CATSPERT: variants seen among roughly 807,000 people sequenced by gnomAD.
CATSPERT encodes the protein cation channel sperm-associated targeting subunit tau.
At chr2:201,595,906 CAA>C in the CATSPERT span, among the ~76,000 whole-genome samples, 206 of 142,086 alleles carry the variant, frequency 1.4e-3, 3 homozygotes, top group African/African-American at 5.1e-3. Context: ...ACTAAAAACT[CAA>C]AAAAAAAAAA....
At chr2:201,513,391 A>C in the CATSPERT span, among the ~76,000 whole-genome samples, 1 of 152,196 alleles carries the variant, frequency 6.6e-6, no homozygotes, top group Admixed American at 6.5e-5. Flanking sequence ...ACCATCTTAC[A>C]CCAGTCAGAA....
the CATSPERT span, among the ~76,000 whole-genome samples, chr2:201,563,245 T>C: frequency 7.5e-6 from 1 of 132,890 alleles, no homozygotes; most frequent in African/African-American, 2.9e-5. Flanking sequence ...GAGGGGCTCC[T>C]CACTTCCCAG....
chr2:201,574,248 C>T, the CATSPERT span: 5 of 1,605,714 alleles, frequency 3.1e-6, no homozygotes, highest in South Asian at 1.1e-5. Flanking sequence ...CATAGGAGAA[C>T]ATAAATTCCA....
chr2:201,506,192 G>A, the CATSPERT span, among the ~76,000 whole-genome samples: 94 of 152,226 alleles, frequency 6.2e-4, 1 homozygote, highest in African/African-American at 2.2e-3. Context: ...GCGCGAACCC[G>A]GGAGGCGGAG....
the CATSPERT span, among the ~76,000 whole-genome samples, chr2:201,615,545 A>T: frequency 6.6e-6 from 1 of 152,214 alleles, no homozygotes; most frequent in East Asian, 1.9e-4. Flanking sequence ...TCTCTGGGAC[A>T]CATTTAAAGC....
the CATSPERT span, among the ~76,000 whole-genome samples, chr2:201,591,106 T>C: frequency 2.0e-5 from 3 of 152,254 alleles, no homozygotes; most frequent in African/African-American, 7.2e-5. Context: ...CCAGGGTTTT[T>C]ATGATTTTAG....
At chr2:201,518,606 G>A in the CATSPERT span, among the ~76,000 whole-genome samples, 13 of 152,196 alleles carry the variant, frequency 8.5e-5, no homozygotes, top group African/African-American at 3.1e-4. Context: ...AAGGTGTGTT[G>A]ACAATGTCCA....
At chr2:201,497,741 C>G in the CATSPERT span, among the ~76,000 whole-genome samples, 2 of 152,172 alleles carry the variant, frequency 1.3e-5, no homozygotes, top group Non-Finnish European at 1.5e-5. Flanking sequence ...GGGGAATGCT[C>G]TAGGTATTCA....
the CATSPERT span, among the ~76,000 whole-genome samples, chr2:201,517,702 C>T: frequency 4.6e-5 from 7 of 152,356 alleles, no homozygotes; most frequent in East Asian, 1.4e-3. Context: ...AGATGAAATA[C>T]TGCTGGGGCC....
the CATSPERT span, among the ~76,000 whole-genome samples, chr2:201,521,357 G>T: frequency 6.6e-6 from 1 of 151,984 alleles, no homozygotes; most frequent in African/African-American, 2.4e-5. Flanking sequence ...GAGGCCTCAG[G>T]AAACTTACAA....
At chr2:201,578,596 A>G in the CATSPERT span, among the ~76,000 whole-genome samples, 8 of 152,234 alleles carry the variant, frequency 5.3e-5, no homozygotes, top group South Asian at 1.5e-3. Context: ...GTTTATGTTT[A>G]TAAGAATGAA....
chr2:201,524,117 G>T, the CATSPERT span, among the ~76,000 whole-genome samples: 1 of 151,854 alleles, frequency 6.6e-6, no homozygotes, highest in South Asian at 2.1e-4. Context: ...AAGACATATA[G>T]TTATCCCCAT....
the CATSPERT span, chr2:201,601,702 G>A: frequency 1.9e-6 from 3 of 1,561,400 alleles, no homozygotes; most frequent in East Asian, 6.9e-5. Context: ...GAACTATAAG[G>A]AGCCATTCTA....
chr2:201,501,225 C>A, the CATSPERT span, among the ~76,000 whole-genome samples: 3 of 151,214 alleles, frequency 2.0e-5, no homozygotes, highest in Admixed American at 2.0e-4. Context: ...ATGGAGAAAC[C>A]CCGTCTCTAC....
chr2:201,529,168 A>T, the CATSPERT span, among the ~76,000 whole-genome samples: 1 of 152,190 alleles, frequency 6.6e-6, no homozygotes, highest in East Asian at 1.9e-4. Context: ...AAACATCCAT[A>T]CTACCCAATG....
chr2:201,595,243 C>T, the CATSPERT span, among the ~76,000 whole-genome samples: 1 of 147,864 alleles, frequency 6.8e-6, no homozygotes, highest in Non-Finnish European at 1.5e-5. Flanking sequence ...GGCTGGGGTG[C>T]AGTGGCGGGA....
chr2:201,496,285 G>C, the CATSPERT span, among the ~76,000 whole-genome samples: 17 of 152,266 alleles, frequency 1.1e-4, no homozygotes, highest in African/African-American at 3.9e-4. Flanking sequence ...AAAAGGCTGT[G>C]AGATGCCTTT....
At chr2:201,579,586 C>G in the CATSPERT span, among the ~76,000 whole-genome samples, 2 of 151,958 alleles carry the variant, frequency 1.3e-5, no homozygotes, top group Non-Finnish European at 1.5e-5. Context: ...GCCTGGCTCC[C>G]AAGAGTCTTT....
the CATSPERT span, among the ~76,000 whole-genome samples, chr2:201,506,220 T>G: frequency 6.6e-6 from 1 of 152,130 alleles, no homozygotes; most frequent in Non-Finnish European, 1.5e-5. Context: ...TGAGCCGAGA[T>G]TGCGCCACTG....
Sources: gnomAD v4.1 joint callset for allele counts (sites outside exome capture counted in the v4.1 genomes callset) on GRCh38, gnomAD v4.1.1 for gene constraint, MANE v1.5 for transcripts, NCBI Gene and HGNC (gene_info 2026-07-23, HGNC 2026-07-21) for gene names.